NRXN3: variants seen among roughly 807,000 people sequenced by gnomAD.
NRXN3 encodes neurexin 3.
Under a neutral mutation model 137.6 loss-of-function variants are expected in NRXN3, and 32 were observed. That is an observed-to-expected ratio of 0.23 (90% CI 0.18 to 0.31). NRXN3 has a LOEUF of 0.31. NRXN3 is among the 10% of genes least tolerant of loss of function. NRXN3 has a pLI of 1.00. For missense variants in NRXN3, 1,574 were observed against 2,062.5 expected (o/e 0.76, Z 4.59); for synonymous variants, 798 against 784.5 (o/e 1.02, Z -0.29).
chr14:78,571,269 A>G (rs1183083781), intron 4 of NRXN3, among the ~76,000 whole-genome samples: 2 of 152,216 alleles, frequency 1.3e-5, no homozygotes, highest in African/African-American at 4.8e-5. Context: ...GAGTGACTCA[A>G]GGTGGGGTGA....
intron 16 of NRXN3, among the ~76,000 whole-genome samples, chr14:79,555,795 A>G (rs2097423504): frequency 1.3e-5 from 2 of 152,158 alleles, no homozygotes; most frequent in Non-Finnish European, 2.9e-5. Context: ...GATAACACAC[A>G]CTTGGATTCC....
chr14:79,719,340 T>C (rs974654024), intron 19 of NRXN3, among the ~76,000 whole-genome samples: 3 of 120,782 alleles, frequency 2.5e-5, no homozygotes, highest in Non-Finnish European at 5.5e-5. Flanking sequence ...TATATATGTA[T>C]ATATACACAT....
intron 10 of NRXN3, among the ~76,000 whole-genome samples, chr14:78,864,311 T>C (rs1421243144): frequency 6.6e-6 from 1 of 152,160 alleles, no homozygotes; most frequent in African/African-American, 2.4e-5. Context: ...AACCATGTAA[T>C]CTTGGGTAAA....
chr14:78,269,721 G>A (rs1427536682), intron 2 of NRXN3, among the ~76,000 whole-genome samples: 2 of 152,186 alleles, frequency 1.3e-5, no homozygotes, highest in Non-Finnish European at 2.9e-5. Context: ...AGCAGCTATA[G>A]TATGCCTCCT....
intron 15 of NRXN3, among the ~76,000 whole-genome samples, chr14:79,383,071 T>A (rs923749046): frequency 6.6e-6 from 1 of 152,132 alleles, no homozygotes; most frequent in African/African-American, 2.4e-5. Context: ...TTTCCCTGAG[T>A]TCTGTAGATT....
intron 15 of NRXN3, among the ~76,000 whole-genome samples, chr14:79,267,941 T>C (rs2078698074): frequency 6.6e-6 from 1 of 152,268 alleles, no homozygotes; most frequent in African/African-American, 2.4e-5. Context: ...GGGGCTCTCA[T>C]ATAATTTTAT....
intron 15 of NRXN3, among the ~76,000 whole-genome samples, chr14:79,256,315 G>A (rs963851256): frequency 1.3e-5 from 2 of 152,118 alleles, no homozygotes; most frequent in African/African-American, 4.8e-5. Flanking sequence ...TTCTCAAACT[G>A]TTGAAATTGT....
chr14:79,019,309 T>C (rs1392265087), intron 15 of NRXN3, among the ~76,000 whole-genome samples: 1 of 152,238 alleles, frequency 6.6e-6, no homozygotes, highest in Non-Finnish European at 1.5e-5. Context: ...CAACTGCTCT[T>C]ATTATTTGCA....
chr14:79,770,916 G>C (rs1403237549), intron 19 of NRXN3, among the ~76,000 whole-genome samples: 2 of 152,058 alleles, frequency 1.3e-5, no homozygotes, highest in Admixed American at 1.3e-4. Flanking sequence ...GAATCAAATA[G>C]ATGCAATAAA....
chr14:79,584,442 T>C (rs1304600158), intron 16 of NRXN3, among the ~76,000 whole-genome samples: 1 of 152,148 alleles, frequency 6.6e-6, no homozygotes, highest in East Asian at 1.9e-4. Context: ...TTTTGTTCCT[T>C]AGCTGGAGGA....
chr14:78,783,395 G>A (rs889944200), intron 8 of NRXN3, among the ~76,000 whole-genome samples: 2 of 152,124 alleles, frequency 1.3e-5, no homozygotes, highest in African/African-American at 4.8e-5. Flanking sequence ...AAAAGACTGA[G>A]GAACTATTGT....
At chr14:78,236,872 A>G (rs2066389950) in intron 1 of NRXN3, among the ~76,000 whole-genome samples, 2 of 152,054 alleles carry the variant, frequency 1.3e-5, no homozygotes, top group African/African-American at 2.4e-5. Context: ...AACTACTTTT[A>G]TATCTTTGAG....
chr14:78,701,627 A>G (rs573756583), intron 6 of NRXN3, among the ~76,000 whole-genome samples: 2 of 152,324 alleles, frequency 1.3e-5, no homozygotes, highest in Admixed American at 6.5e-5. Context: ...AGGGCCATAG[A>G]TCAGAGATGG....
chr14:78,908,604 C>T (rs1196757789), intron 10 of NRXN3, among the ~76,000 whole-genome samples: 1 of 151,956 alleles, frequency 6.6e-6, no homozygotes, highest in East Asian at 1.9e-4. Flanking sequence ...ATGAAAAAAA[C>T]TGGGCATCAC....
chr14:79,768,684 A>G (rs2099065391), intron 19 of NRXN3, among the ~76,000 whole-genome samples: 1 of 152,254 alleles, frequency 6.6e-6, no homozygotes, highest in African/African-American at 2.4e-5. Flanking sequence ...AATACAGAGC[A>G]GAAAAACTGG....
chr14:78,920,814 T>C (rs1212324157), intron 10 of NRXN3, among the ~76,000 whole-genome samples: 1 of 152,144 alleles, frequency 6.6e-6, no homozygotes. Context: ...ACAGCCAAAT[T>C]GAAGAGATGT....
chr14:79,699,288 A>G (rs563414058), intron 19 of NRXN3, among the ~76,000 whole-genome samples: 103 of 151,692 alleles, frequency 6.8e-4, no homozygotes, highest in African/African-American at 2.4e-3. Context: ...ATATATTTCT[A>G]TTATGACTCT....
At chr14:79,492,362 C>T (rs10162571) in intron 16 of NRXN3, among the ~76,000 whole-genome samples, 2 of 151,962 alleles carry the variant, frequency 1.3e-5, no homozygotes, top group Non-Finnish European at 2.9e-5. Flanking sequence ...AGTTTTAGTG[C>T]TAACGTATCA....
chr14:78,426,682 C>T (rs910278376), intron 4 of NRXN3, among the ~76,000 whole-genome samples: 1 of 152,140 alleles, frequency 6.6e-6, no homozygotes, highest in African/African-American at 2.4e-5. Flanking sequence ...CTGGATTCCT[C>T]CCTGGGTCCC....
Sources: gnomAD v4.1 joint callset for allele counts (sites outside exome capture counted in the v4.1 genomes callset) on GRCh38, gnomAD v4.1.1 for gene constraint, MANE v1.5 for transcripts, NCBI Gene and HGNC (gene_info 2026-07-23, HGNC 2026-07-21) for gene names.